The following CPA6 variants were observed in gnomAD, a reference collection of about 807,000 sequenced individuals.
CPA6 encodes the protein carboxypeptidase B.
In CPA6, 58 loss-of-function variants were observed where a neutral mutation model predicts 63.3. The ratio of observed to expected loss-of-function variants is 0.92; its 90% CI spans 0.74 to 1.14. The LOEUF is 1.14. Ranked by LOEUF, CPA6 falls within the 50% of genes most tolerant of loss-of-function variation. CPA6 has a pLI of 0.00. For synonymous variants in CPA6, 185 were observed against 179.0 expected (o/e 1.03, Z -0.27); for missense variants, 565 against 526.6 (o/e 1.07, Z -0.71).
intron 3 of CPA6, 88 bp from the exon 4 acceptor site, chr8:67,511,743 G>T: frequency 1.3e-6 from 1 of 756,132 alleles, no homozygotes. Context: ...ATGCATCTAT[G>T]TAAAGAAAGA....
intron 2 of CPA6, among the ~76,000 whole-genome samples, chr8:67,530,076 G>T (rs1812446264): frequency 6.6e-6 from 1 of 152,164 alleles, no homozygotes; most frequent in Non-Finnish European, 1.5e-5. Context: ...GAGAGGATAT[G>T]TTCAAGAAAC....
chr8:67,624,312 C>T, intron 1 of CPA6, 61 bp from the exon 2 acceptor site: 1 of 877,442 alleles, frequency 1.1e-6, no homozygotes. Context: ...TTAGTCATCT[C>T]TTTCTTACCT....
At chr8:67,507,015 A>C in intron 5 of CPA6, 127 bp from the exon 6 acceptor site, 1 of 627,528 alleles carries the variant, frequency 1.6e-6, no homozygotes, top group Non-Finnish European at 2.9e-6. Flanking sequence ...AAAAAGGACA[A>C]AGGGAGTTCC....
At chr8:67,450,191 T>C (rs1173365121) in intron 8 of CPA6, among the ~76,000 whole-genome samples, 3 of 152,190 alleles carry the variant, frequency 2.0e-5, no homozygotes, top group Admixed American at 2.0e-4. Flanking sequence ...ATTCAATAAA[T>C]TTTTATGGTC....
intron 8 of CPA6, among the ~76,000 whole-genome samples, chr8:67,461,049 C>CTTTTT (rs111558015): frequency 0.012 from 1,656 of 139,212 alleles, 21 homozygotes; most frequent in African/African-American, 0.041. Flanking sequence ...AATTCGATTT[C>CTTTTT]TTTTTTTTTT....
intron 6 of CPA6, among the ~76,000 whole-genome samples, chr8:67,489,877 C>T (rs78521083): frequency 0.029 from 4,346 of 152,132 alleles, 86 homozygotes; most frequent in Non-Finnish European, 0.043. Context: ...AAAATTTTTT[C>T]ATTTCTAAAT....
chr8:67,434,276 G>A (rs1462327724), intron 8 of CPA6, 36 bp from the exon 9 acceptor site: 6 of 1,543,688 alleles, frequency 3.9e-6, no homozygotes, highest in Non-Finnish European at 5.4e-6. Flanking sequence ...TAAGGAAGTG[G>A]GCAGGGAAGA....
chr8:67,741,225 G>A lies in CPA6; in HGVS notation c.116+4789C>T, dbSNP rs190653310. 1.2e-3 allele frequency among the ~76,000 whole-genome samples: 186 copies of A among 152,302 alleles called. 1 individual carries two copies. The highest frequency in any genetic ancestry group is 4.4e-3 in the African/African-American group (182 of 41,556). On this transcript the variant is annotated intron_variant, in intron 1 of 10. Coordinates refer to ENST00000297770, the MANE Select transcript of CPA6 (RefSeq NM_020361.5). ...AACTTTGCAAGCAGACCCAGTACAA[G>A]TAGATTAATACGAGCATATTACTTG...
intron 1 of CPA6, among the ~76,000 whole-genome samples, chr8:67,723,874 A>G (rs957621375): frequency 6.6e-6 from 1 of 152,224 alleles, no homozygotes; most frequent in Non-Finnish European, 1.5e-5. Context: ...AGCTAAAACT[A>G]AATACCACAA....
intron 8 of CPA6, among the ~76,000 whole-genome samples, chr8:67,471,717 T>A (rs1811063708): frequency 6.6e-6 from 1 of 152,224 alleles, no homozygotes; most frequent in Admixed American, 6.5e-5. Flanking sequence ...ATCATTTACC[T>A]ACATCTGTGT....
chr8:67,638,069 G>A (rs1293745664), intron 1 of CPA6, among the ~76,000 whole-genome samples: 5 of 151,078 alleles, frequency 3.3e-5, no homozygotes, highest in Admixed American at 6.6e-5. Flanking sequence ...TGGCAATACA[G>A]TAAGAGAAAT....
intron 10 of CPA6, among the ~76,000 whole-genome samples, chr8:67,427,602 G>T (rs1809922169): frequency 6.6e-6 from 1 of 152,062 alleles, no homozygotes; most frequent in South Asian, 2.1e-4. Context: ...ATCTTTTAAG[G>T]GATAATTCAA....
intron 6 of CPA6, among the ~76,000 whole-genome samples, chr8:67,495,135 G>A (rs886348878): frequency 6.6e-6 from 1 of 151,906 alleles, no homozygotes; most frequent in African/African-American, 2.4e-5. Flanking sequence ...CCAGCTTAGT[G>A]TAGTGTAGTG....
intron 1 of CPA6, among the ~76,000 whole-genome samples, chr8:67,721,579 G>A (rs1186296376): frequency 1.3e-5 from 2 of 152,130 alleles, no homozygotes; most frequent in East Asian, 1.9e-4. Context: ...CTAGTATCAG[G>A]ACACTGACAG....
intron 8 of CPA6, among the ~76,000 whole-genome samples, chr8:67,451,462 A>G (rs908272047): frequency 6.6e-6 from 1 of 152,208 alleles, no homozygotes; most frequent in Admixed American, 6.5e-5. Flanking sequence ...TCAGGAAACA[A>G]GCTCAGGGAT....
At chr8:67,611,084 C>A (rs901757613) in intron 2 of CPA6, among the ~76,000 whole-genome samples, 2 of 111,280 alleles carry the variant, frequency 1.8e-5, no homozygotes, top group African/African-American at 1.1e-4. Flanking sequence ...CCTTTTCACT[C>A]CTTCTTTTTT....
At chr8:67,665,585 A>G (rs1388296819) in intron 1 of CPA6, among the ~76,000 whole-genome samples, 1 of 152,130 alleles carries the variant, frequency 6.6e-6, no homozygotes, top group Non-Finnish European at 1.5e-5. Flanking sequence ...CTTTATGTCA[A>G]TTTTTCTCAT....
At chr8:67,562,642 C>T (rs186766416) in intron 2 of CPA6, among the ~76,000 whole-genome samples, 1 of 152,220 alleles carries the variant, frequency 6.6e-6, no homozygotes, top group African/African-American at 2.4e-5. Flanking sequence ...GTGATTAGGT[C>T]AAGACCGTAG....
At chr8:67,609,060 G>T (rs1814738044) in intron 2 of CPA6, among the ~76,000 whole-genome samples, 1 of 152,158 alleles carries the variant, frequency 6.6e-6, no homozygotes, top group African/African-American at 2.4e-5. Flanking sequence ...GTCACTCTAT[G>T]GTATCTGTTC....
Sources: gnomAD v4.1 joint callset for allele counts (sites outside exome capture counted in the v4.1 genomes callset) on GRCh38, gnomAD v4.1.1 for gene constraint, MANE v1.5 for transcripts, NCBI Gene and HGNC (gene_info 2026-07-23, HGNC 2026-07-21) for gene names.